Variants in MAF observed in about 807,000 individuals in gnomAD.
MAF encodes transcription factor Maf.
A neutral mutation model predicts 22.0 loss-of-function variants in MAF; 10 were observed. That is an observed-to-expected ratio of 0.45 (90% confidence interval 0.28 to 0.77). MAF has a LOEUF of 0.77. Among genes scored for constraint, MAF ranks in the 30% least tolerant of loss-of-function variants. MAF has a pLI of 0.12. For missense variants in MAF, 544 were observed against 548.4 expected (o/e 0.99, Z 0.08); for synonymous variants, 337 against 255.8 (o/e 1.32, Z -3.03).
chr16:79,477,662 C>A, the MAF span, among the ~76,000 whole-genome samples: 1 of 152,200 alleles, frequency 6.6e-6, no homozygotes, highest in East Asian at 1.9e-4. Flanking sequence ...GTATTCGTAT[C>A]TTATTTATTC....
chr16:79,475,737 G>T, the MAF span, among the ~76,000 whole-genome samples: 1 of 152,116 alleles, frequency 6.6e-6, no homozygotes, highest in African/African-American at 2.4e-5. Flanking sequence ...AATGAATAAG[G>T]ATTAAGTGGG....
chr16:79,469,359 A>G, the MAF span, among the ~76,000 whole-genome samples: 1 of 152,220 alleles, frequency 6.6e-6, no homozygotes, highest in Non-Finnish European at 1.5e-5. Flanking sequence ...GGTTAAAAAC[A>G]TAAGCTCGGG....
At position 79,599,379 on chromosome 16, in the gene MAF, C is replaced by T. The variant is rs1272788917; in HGVS notation, c.524G>A (p.Ser175Asn). ...GTGGTGGTAGTGCGGGCCCGCGCCG[C>T]TCTGCGCGGCGGCCGCGGCGATCAC... ...SAVIAAAAAQ[S>N]GAGPHYHHHH... The change falls in exon 1 of 2, where the codon AGC becomes AAC. Residue 175 changes from serine to asparagine, a missense_variant. Physicochemically the swap from Ser to Asn is conservative, Grantham distance 46 (BLOSUM62 1). Around this residue, in one of 5 missense-constraint regions of MAF, gnomAD observed 342 missense variants for 315.5 expected, o/e 1.08. Transcript: ENST00000326043. 1 of 1,011,186 alleles carries T rather than the reference C, an allele frequency of 9.9e-7. No homozygotes were observed. Among genetic ancestry groups the T allele is most frequent in the African/African-American group, 1.7e-5 (1 of 57,386 alleles). The allele number at this position is 1,011,186 out of a possible 1,614,324, so 62.6% of individuals were successfully genotyped here.
At chr16:79,568,802 T>C in the MAF span, among the ~76,000 whole-genome samples, 2 of 152,238 alleles carry the variant, frequency 1.3e-5, no homozygotes, top group Admixed American at 1.3e-4. Flanking sequence ...TCAAGGCCTG[T>C]GTAAACATCT....
chr16:79,284,593 A>G, the MAF span, among the ~76,000 whole-genome samples: 1 of 152,236 alleles, frequency 6.6e-6, no homozygotes, highest in Non-Finnish European at 1.5e-5. Flanking sequence ...CATCATAATA[A>G]TCCCAATGAT....
the MAF span, among the ~76,000 whole-genome samples, chr16:79,223,397 A>G: frequency 6.6e-6 from 1 of 152,240 alleles, no homozygotes; most frequent in Non-Finnish European, 1.5e-5. Flanking sequence ...CTAAATGCCC[A>G]CAAGAGAAAG....
chr16:79,225,558 G>A, the MAF span, among the ~76,000 whole-genome samples: 7 of 152,240 alleles, frequency 4.6e-5, no homozygotes, highest in South Asian at 6.2e-4. Flanking sequence ...CTTCTTCACA[G>A]CAAAAGAAAC....
the MAF span, chr16:79,203,292 G>T: frequency 1.3e-5 from 2 of 152,204 alleles, no homozygotes; most frequent in Non-Finnish European, 2.9e-5. Flanking sequence ...CTTGGAACCT[G>T]AGAAATGGTC....
chr16:79,232,837 C>CTTT, the MAF span, among the ~76,000 whole-genome samples: 73 of 113,814 alleles, frequency 6.4e-4, no homozygotes, highest in African/African-American at 1.6e-3. Flanking sequence ...ATAAGCCATT[C>CTTT]TTTTTTTTTT....
the MAF span, among the ~76,000 whole-genome samples, chr16:79,393,232 T>G: frequency 6.6e-6 from 1 of 152,214 alleles, no homozygotes; most frequent in Non-Finnish European, 1.5e-5. Context: ...AAACAAAGGC[T>G]TCCACAATTC....
chr16:79,511,034 C>A, the MAF span, among the ~76,000 whole-genome samples: 211 of 152,348 alleles, frequency 1.4e-3, no homozygotes, highest in Non-Finnish European at 2.4e-3. Flanking sequence ...GTCAACCCCA[C>A]TGCAGCGGCA....
the MAF span, among the ~76,000 whole-genome samples, chr16:79,537,229 G>A: frequency 6.6e-6 from 1 of 152,214 alleles, no homozygotes; most frequent in Non-Finnish European, 1.5e-5. Context: ...CGAACATCCT[G>A]TTCCAACCTC....
the MAF span, among the ~76,000 whole-genome samples, chr16:79,482,989 C>A: frequency 2.3e-5 from 1 of 42,632 alleles, no homozygotes; most frequent in Non-Finnish European, 4.6e-5. Context: ...TCCCTCCCCT[C>A]CCCTCACTCC....
chr16:79,404,073 C>T, the MAF span, among the ~76,000 whole-genome samples: 1 of 152,122 alleles, frequency 6.6e-6, no homozygotes. Flanking sequence ...ACACTTTCCA[C>T]CTTGATCTGT....
downstream of MAF, among the ~76,000 whole-genome samples, chr16:79,589,949 T>C (rs571759559): frequency 1.9e-4 from 29 of 152,278 alleles, no homozygotes; most frequent in Admixed American, 1.3e-3. Context: ...GCCGCGGGTC[T>C]GGGACTGCAG....
downstream of MAF, among the ~76,000 whole-genome samples, chr16:79,581,114 A>G (rs946259743): frequency 6.6e-6 from 1 of 151,876 alleles, no homozygotes; most frequent in African/African-American, 2.4e-5. Context: ...AATGTACAGT[A>G]AGCACCTTAA....
chr16:79,317,497 CCTTT>C, the MAF span, among the ~76,000 whole-genome samples: 1 of 146,032 alleles, frequency 6.8e-6, no homozygotes, highest in East Asian at 2.2e-4. Context: ...CTCCGTTCTC[CCTTT>C]CTTTTCTGCC....
chr16:79,554,938 A>G, the MAF span, among the ~76,000 whole-genome samples: 1 of 152,204 alleles, frequency 6.6e-6, no homozygotes, highest in Non-Finnish European at 1.5e-5. Context: ...ACTGCAGGGC[A>G]GGCTGGAATC....
chr16:79,292,279 A>G, the MAF span, among the ~76,000 whole-genome samples: 979 of 152,296 alleles, frequency 6.4e-3, 10 homozygotes, highest in African/African-American at 0.022. Flanking sequence ...CAGTGATTAC[A>G]CACAGACATA....
Sources: gnomAD v4.1 joint callset for allele counts (sites outside exome capture counted in the v4.1 genomes callset) on GRCh38, gnomAD v4.1.1 for gene constraint, gnomAD v4.1.1 regional missense constraint, MANE v1.5 for transcripts, NCBI Gene and HGNC (gene_info 2026-07-23, HGNC 2026-07-21) for gene names.